The following PACS1 variants were observed in gnomAD, a reference collection of about 807,000 sequenced individuals.
PACS1 encodes the protein PACS-1.
A neutral mutation model predicts 115.0 loss-of-function variants in PACS1; 24 were observed. The ratio of observed to expected loss-of-function variants is 0.21; its 90% CI spans 0.15 to 0.29. The LOEUF is 0.29. Among genes scored for constraint, PACS1 ranks in the 10% least tolerant of loss-of-function variants. PACS1 has a pLI of 1.00. For missense variants in PACS1, 838 were observed against 1,251.2 expected (o/e 0.67, Z 4.98); for synonymous variants, 453 against 504.5 (o/e 0.90, Z 1.37).
intron 10 of PACS1, 57 bp downstream of exon 10, chr11:66,221,304 G>C: frequency 1.4e-6 from 2 of 1,421,412 alleles, no homozygotes; most frequent in South Asian, 1.1e-5. Context: ...AGGGCTCGAC[G>C]CTCTGGCCCT....
intron 1 of PACS1, among the ~76,000 whole-genome samples, chr11:66,180,202 A>G (rs1382443028): frequency 6.6e-6 from 1 of 152,098 alleles, no homozygotes; most frequent in East Asian, 1.9e-4. Context: ...ACTGCACTCC[A>G]GCCTGGGCAA....
rs376479534 is a variant in PACS1 at position 66,097,354 on chromosome 11, T to C, written c.356+26512T>C. ...CTCTCTCCCTTGCTGGCTTTGGTGC[T>C]GTGTTGTGAGCTGCCTATGGAGACG... On this transcript the variant is annotated intron_variant, in intron 1 of 23. Transcript: ENST00000320580. Among the ~76,000 whole-genome samples the C allele has an allele frequency of 3.7e-4, 57 of 152,276 alleles. No individual in the cohort carries two copies. The East Asian group carries it at 0.01, about 27-fold the overall frequency.
At chr11:66,193,402 A>C in intron 1 of PACS1, 84 bp from the exon 2 acceptor site, 1 of 873,258 alleles carries the variant, frequency 1.1e-6, no homozygotes. Context: ...TACTTCAGGT[A>C]AGGCAGATTG....
intron 20 of PACS1, 111 bp from the exon 21 acceptor site, chr11:66,239,031 G>T: frequency 6.5e-7 from 1 of 1,534,310 alleles, no homozygotes. Flanking sequence ...GGAGCCTGGG[G>T]CCAAAGGAGG....
intron 2 of PACS1, among the ~76,000 whole-genome samples, chr11:66,197,887 G>T (rs905451384): frequency 1.3e-5 from 2 of 152,134 alleles, no homozygotes; most frequent in Admixed American, 1.3e-4. Flanking sequence ...ATCACTTTGC[G>T]TCTGGATTTT....
chr11:66,103,978 T>C (rs1292941522), intron 1 of PACS1, among the ~76,000 whole-genome samples: 2 of 140,964 alleles, frequency 1.4e-5, no homozygotes, highest in Non-Finnish European at 1.5e-5. Context: ...ATCCCAGTCA[T>C]CATCACATTT....
At chr11:66,072,959 A>G (rs138691785) in intron 1 of PACS1, among the ~76,000 whole-genome samples, 8 of 152,390 alleles carry the variant, frequency 5.2e-5, no homozygotes, top group African/African-American at 1.9e-4. Flanking sequence ...GTAATAAATT[A>G]TTAGCCTAAG....
chr11:66,161,973 G>A lies in PACS1; in HGVS notation c.357-31513G>A, dbSNP rs116781605. On this transcript the variant is annotated intron_variant, in intron 1 of 23. Transcript: ENST00000320580. ...TGGATATTAATTGGTGTAGTGGGTT[G>A]AATATTGGCCCTCAAGTAACCCCTG... is the stretch of plus-strand genomic sequence containing the variant. Among the ~76,000 whole-genome samples the A allele has an allele frequency of 4.2e-3, 632 of 152,250 alleles. 4 individuals are homozygous for A. Among genetic ancestry groups the A allele is most frequent in the African/African-American group, 0.014 (576 of 41,534 alleles).
At chr11:66,138,797 C>T (rs1459444059) in intron 1 of PACS1, among the ~76,000 whole-genome samples, 1 of 152,050 alleles carries the variant, frequency 6.6e-6, no homozygotes, top group East Asian at 1.9e-4. Context: ...ATTCTCCTGC[C>T]TCAGCCTCCC....
At chr11:66,164,907 A>T (rs1286772175) in intron 1 of PACS1, among the ~76,000 whole-genome samples, 1 of 152,122 alleles carries the variant, frequency 6.6e-6, no homozygotes, top group Non-Finnish European at 1.5e-5. Flanking sequence ...CTTAGAGAAC[A>T]TGTGGTCCCA....
chr11:66,129,320 T>C (rs1443689632), intron 1 of PACS1, among the ~76,000 whole-genome samples: 1 of 151,350 alleles, frequency 6.6e-6, no homozygotes. Context: ...TAATCCCAGC[T>C]ACTTAGGAAG....
At chr11:66,190,301 C>T (rs1854486345) in intron 1 of PACS1, among the ~76,000 whole-genome samples, 1 of 152,152 alleles carries the variant, frequency 6.6e-6, no homozygotes, top group South Asian at 2.1e-4. Context: ...TGGGCATATT[C>T]AGTCTTTTCC....
At chr11:66,104,440 TAA>T (rs1162149770) in intron 1 of PACS1, among the ~76,000 whole-genome samples, 1 of 152,332 alleles carries the variant, frequency 6.6e-6, no homozygotes, top group Admixed American at 6.5e-5. Flanking sequence ...TGTTTGTAAA[TAA>T]AGTTTTACTG....
intron 1 of PACS1, among the ~76,000 whole-genome samples, chr11:66,144,683 G>GA (rs1859079146): frequency 6.6e-6 from 1 of 152,188 alleles, no homozygotes; most frequent in South Asian, 2.1e-4. Context: ...GCCGAGGGTG[G>GA]AGTGCAGTGG....
At chr11:66,081,053 A>AC (rs1193258716) in intron 1 of PACS1, among the ~76,000 whole-genome samples, 1 of 151,314 alleles carries the variant, frequency 6.6e-6, no homozygotes, top group Non-Finnish European at 1.5e-5. Flanking sequence ...ACATAGGGAG[A>AC]CCCCGTCTGT....
intron 10 of PACS1, among the ~76,000 whole-genome samples, chr11:66,222,853 T>G (rs1855382490): frequency 1.3e-5 from 2 of 151,898 alleles, no homozygotes; most frequent in African/African-American, 4.8e-5. Context: ...TGCCACCAGG[T>G]GGGGCTCTCT....
chr11:66,234,164 G>T lies in PACS1; in HGVS notation c.2026G>T (p.Val676Phe), dbSNP rs769785003. 1 of 1,614,106 alleles carries T rather than the reference G, an allele frequency of 6.2e-7. No individual in the cohort carries two copies. Among genetic ancestry groups the T allele is most frequent in the Non-Finnish European group, 8.5e-7 (1 of 1,179,938 alleles). ...CCCTGTGGCCAAATACTTGGGGTCA[G>T]TCGACAGTAAATACAGTAGTTCCTT... ...SHPVAKYLGS[V>F]DSKYSSSFLD... is the part of the protein sequence containing the mutation. Residue 676 changes from valine to phenylalanine, a missense_variant, in exon 17 of 24, where the codon GTC becomes TTC. Transcript: ENST00000320580.
intron 1 of PACS1, among the ~76,000 whole-genome samples, chr11:66,117,021 G>A (rs1209904288): frequency 6.6e-6 from 1 of 152,068 alleles, no homozygotes; most frequent in African/African-American, 2.4e-5. Flanking sequence ...AGCAGGGGAA[G>A]AAGACAGGAA....
intron 1 of PACS1, among the ~76,000 whole-genome samples, chr11:66,109,775 C>G (rs957181121): frequency 1.3e-5 from 2 of 152,200 alleles, no homozygotes; most frequent in African/African-American, 4.8e-5. Flanking sequence ...CTTTAGTTCT[C>G]TCTCCTCATC....
Sources: allele counts gnomAD v4.1 joint callset (sites outside exome capture counted in the v4.1 genomes callset), GRCh38; gene constraint gnomAD v4.1.1; transcripts MANE v1.5; gene names NCBI Gene and HGNC (gene_info 2026-07-23, HGNC 2026-07-21).